PUM1: variants seen among roughly 807,000 people sequenced by gnomAD.
PUM1 encodes pumilio homolog 1.
In PUM1, 13 loss-of-function variants were observed where a neutral mutation model predicts 131.8. The ratio of observed to expected loss-of-function variants is 0.10; its 90% CI spans 0.06 to 0.16. The LOEUF (loss-of-function observed/expected upper bound fraction) is 0.16, where lower values mean the gene tolerates loss of function less well. PUM1 is among the 10% of genes least tolerant of loss of function. The pLI is 1.00. For missense variants in PUM1, 961 were observed against 1,512.4 expected (o/e 0.64, Z 6.05); for synonymous variants, 509 against 556.5 (o/e 0.91, Z 1.20).
intron 2 of PUM1, chr1:31,036,935 A>G (rs1643631296): frequency 6.2e-6 from 1 of 160,938 alleles, no homozygotes; most frequent in Non-Finnish European, 1.4e-5. Context: ...TCAGATAACC[A>G]TATGAGAGAA....
chr1:31,056,594 C>T (rs566640591), intron 2 of PUM1, among the ~76,000 whole-genome samples: 1 of 138,728 alleles, frequency 7.2e-6, no homozygotes, highest in East Asian at 2.1e-4. Flanking sequence ...CAGCTGAAAA[C>T]CTTCCTTTTC....
intron 10 of PUM1, 70 bp downstream of exon 10, chr1:30,974,581 A>C: frequency 7.0e-7 from 1 of 1,422,642 alleles, no homozygotes; most frequent in Non-Finnish European, 9.5e-7. Context: ...TATTAGGCGC[A>C]ATATTACCTA....
At chr1:31,014,828 G>A (rs1174140457) in intron 3 of PUM1, among the ~76,000 whole-genome samples, 1 of 151,650 alleles carries the variant, frequency 6.6e-6, no homozygotes, top group Non-Finnish European at 1.5e-5. Flanking sequence ...TGCAAACTAA[G>A]TATTCAACAA....
intron 2 of PUM1, among the ~76,000 whole-genome samples, chr1:31,056,232 A>G (rs1201796920): frequency 6.6e-6 from 1 of 152,286 alleles, no homozygotes; most frequent in Admixed American, 6.5e-5. Context: ...TTTCTAATTC[A>G]ATCACCAAAT....
rs535571793 is a variant in PUM1, at chr1:30,941,230, C to A, written c.3163G>T (p.Gly1055Cys). ...NYVIQHVLEHGRPEDKSKIVA... is the reference protein window; with the variant it reads ...NYVIQHVLEHCRPEDKSKIVA... Reference sequence around the variant, plus strand: ...ATTTTGCTTTTATCCTCAGGACGACCGTGCTCCAGTACATGTTGGATTACA... The same window carrying A: ...ATTTTGCTTTTATCCTCAGGACGACAGTGCTCCAGTACATGTTGGATTACA... The change falls in exon 20 of 22, where the codon GGT becomes TGT. Residue 1055 changes from glycine (G) to cysteine (C), a missense_variant. By Grantham distance (159) the Gly-to-Cys change is radical (BLOSUM62 -3). Around this residue, in one of 4 missense-constraint regions of PUM1, gnomAD observed 178 missense variants for 327.5 expected, o/e 0.54. Transcript: ENST00000426105. The A allele has an allele frequency of 1.9e-6, 3 of 1,612,144 alleles. No individual in the cohort carries two copies. Among genetic ancestry groups the A allele is most frequent in the Admixed American group, 1.7e-5 (1 of 59,972 alleles).
chr1:31,054,415 T>TCC (rs1644187494), intron 2 of PUM1, among the ~76,000 whole-genome samples: 1 of 151,762 alleles, frequency 6.6e-6, no homozygotes, highest in South Asian at 2.1e-4. Flanking sequence ...GACAAAGAGT[T>TCC]CCCCTCCCTC....
chr1:31,043,807 A>C (rs1643894286), intron 2 of PUM1, among the ~76,000 whole-genome samples: 1 of 152,222 alleles, frequency 6.6e-6, no homozygotes, highest in Admixed American at 6.5e-5. Flanking sequence ...CCCCAGTAAA[A>C]TGTGTGGCTT....
At chr1:31,038,216 G>A (rs1441269508) in intron 2 of PUM1, among the ~76,000 whole-genome samples, 2 of 151,032 alleles carry the variant, frequency 1.3e-5, no homozygotes, top group Admixed American at 6.6e-5. Context: ...AAAAAAAAAA[G>A]AGAGAGAGAA....
chr1:31,012,061 T>C (rs1642639448), intron 3 of PUM1, among the ~76,000 whole-genome samples: 1 of 152,150 alleles, frequency 6.6e-6, no homozygotes, highest in South Asian at 2.1e-4. Context: ...GTAGCTTAAT[T>C]ACACTGGACA....
chr1:30,965,162 G>A (rs1442509441), intron 13 of PUM1, among the ~76,000 whole-genome samples: 1 of 152,096 alleles, frequency 6.6e-6, no homozygotes, highest in Non-Finnish European at 1.5e-5. Context: ...GATAAGGGAG[G>A]GTTAAAAAGC....
chr1:31,050,041 G>A (rs1356467531), intron 2 of PUM1, among the ~76,000 whole-genome samples: 1 of 151,682 alleles, frequency 6.6e-6, no homozygotes, highest in Non-Finnish European at 1.5e-5. Flanking sequence ...ATGTTGGCCA[G>A]GCTGGTCTCA....
rs370838185 is a variant in PUM1 at position 30,932,662 on chromosome 1, TA to T, written c.*548del. 45,327 of 145,566 alleles carry T rather than the reference TA, an allele frequency of 0.31. 7,302 individuals are homozygous for T. The highest frequency in any genetic ancestry group is 0.37 in the Non-Finnish European group (24,474 of 66,512). The allele number at this position is 145,566 out of a possible 1,614,324, so 9.0% of individuals were successfully genotyped here. A position where few individuals can be genotyped will look rare whatever the true frequency, so the allele number is the denominator to read the frequency against. On this transcript the variant is annotated 3_prime_UTR_variant, in exon 22 of 22. Transcript: ENST00000426105. ...CATTATATATATATATATATATATA[TA>T]TATTTTTTATAAACAGTGTTAAATG...
chr1:30,968,643 A>C lies in PUM1; in HGVS notation c.1507-151T>G, dbSNP rs1640728824. 3 of 714,456 alleles carry C rather than the reference A, an allele frequency of 4.2e-6. No individual in the cohort carries two copies. The South Asian group carries it at 7.4e-5, about 18-fold the overall frequency. 44.3% of individuals were successfully genotyped at this position (714,456 alleles called of 1,614,324 possible). On this transcript the variant is annotated intron_variant, in intron 10 of 21. Transcript: ENST00000426105. ...GTCACAGCTGTTAGCGTATAAATTC[A>C]ATTAATAACATTTCATAGAGTGGAA...
intron 10 of PUM1, among the ~76,000 whole-genome samples, chr1:30,974,112 T>C (rs1641042489): frequency 6.6e-6 from 1 of 151,826 alleles, no homozygotes; most frequent in African/African-American, 2.4e-5. Flanking sequence ...GGTGTTATTC[T>C]AGCAATCAAG....
intron 2 of PUM1, among the ~76,000 whole-genome samples, chr1:31,048,201 T>C (rs948814175): frequency 6.6e-6 from 1 of 150,962 alleles, no homozygotes; most frequent in African/African-American, 2.4e-5. Context: ...ATCGCGCCAC[T>C]GCACTCCAGC....
At chr1:30,995,460 T>C (rs1398774578) in intron 5 of PUM1, among the ~76,000 whole-genome samples, 2 of 152,202 alleles carry the variant, frequency 1.3e-5, no homozygotes, top group African/African-American at 4.8e-5. Flanking sequence ...CTATATCCAA[T>C]GTCCCACCAA....
chr1:30,939,980 C>T (rs1298560234), intron 20 of PUM1, among the ~76,000 whole-genome samples: 1 of 151,902 alleles, frequency 6.6e-6, no homozygotes, highest in Non-Finnish European at 1.5e-5. Context: ...GGAGACTGAC[C>T]CGAAGAAGAG....
At chr1:31,056,406 G>A (rs894757783) in intron 2 of PUM1, among the ~76,000 whole-genome samples, 25 of 151,142 alleles carry the variant, frequency 1.7e-4, no homozygotes, top group Admixed American at 9.2e-4. Flanking sequence ...TCAGCCTCCC[G>A]AGGAGCTGGG....
chr1:31,003,796 G>C (rs898878819), intron 5 of PUM1, among the ~76,000 whole-genome samples: 4 of 152,068 alleles, frequency 2.6e-5, no homozygotes, highest in Non-Finnish European at 2.9e-5. Context: ...CTGAGCCACA[G>C]GTCTCCATCC....
Sources: gnomAD v4.1 joint callset for allele counts (sites outside exome capture counted in the v4.1 genomes callset) on GRCh38, gnomAD v4.1.1 for gene constraint, gnomAD v4.1.1 regional missense constraint, MANE v1.5 for transcripts, NCBI Gene and HGNC (gene_info 2026-07-23, HGNC 2026-07-21) for gene names.